STAG1: variants seen among roughly 807,000 people sequenced by gnomAD.
STAG1 encodes cohesin subunit SA-1.
Under a neutral mutation model 170.9 loss-of-function variants are expected in STAG1, and 26 were observed. That is an observed-to-expected ratio of 0.15 (90% confidence interval 0.11 to 0.21). STAG1 has a LOEUF of 0.21. Ranked by LOEUF, STAG1 falls within the 10% of genes least tolerant of loss-of-function variation. STAG1 has a pLI of 1.00. For missense variants in STAG1, 964 were observed against 1,509.5 expected (o/e 0.64, Z 5.99); for synonymous variants, 514 against 497.7 (o/e 1.03, Z -0.44).
At chr3:136,383,877 C>T (rs931556280) in intron 22 of STAG1, among the ~76,000 whole-genome samples, 3 of 150,618 alleles carry the variant, frequency 2.0e-5, no homozygotes, top group African/African-American at 7.3e-5. Flanking sequence ...ATGGCATGAA[C>T]CTAGGAGGCA....
chr3:136,663,670 T>C (rs895834814), intron 1 of STAG1, among the ~76,000 whole-genome samples: 11 of 152,110 alleles, frequency 7.2e-5, no homozygotes, highest in Non-Finnish European at 1.3e-4. Flanking sequence ...AAGTAAACTA[T>C]AAGGTTTCCA....
At position 136,708,967 on chromosome 3, in the gene STAG1, CTT is replaced by C. The variant is rs61595071; in HGVS notation, c.-84+43226_-84+43227del. ...CACAGGCATGTACCACTGCAGCTGG[CTT>C]TTTTTTTTTTTTTTTTTTTTTTTTA... On this transcript the variant is annotated intron_variant, in intron 1 of 33. Transcript: ENST00000383202. 6.3e-3 allele frequency among the ~76,000 whole-genome samples: 539 copies of C among 86,040 alleles called. 5 individuals are homozygous for C. The highest frequency in any genetic ancestry group is 0.025 in the African/African-American group (504 of 20,236). 56.4% of individuals were successfully genotyped at this position (86,040 alleles called of 152,430 possible).
At chr3:136,524,470 G>C (rs1934881677) in intron 6 of STAG1, among the ~76,000 whole-genome samples, 2 of 152,150 alleles carry the variant, frequency 1.3e-5, no homozygotes, top group African/African-American at 4.8e-5. Flanking sequence ...TGCTGAAGTT[G>C]CTTATCAGCT....
intron 6 of STAG1, among the ~76,000 whole-genome samples, chr3:136,534,717 A>C (rs532094024): frequency 8.5e-5 from 13 of 152,350 alleles, no homozygotes; most frequent in African/African-American, 2.6e-4. Flanking sequence ...CCCCAGTTGG[A>C]ATGGCTATTA....
chr3:136,556,739 C>T (rs552412510), intron 5 of STAG1, among the ~76,000 whole-genome samples: 22 of 151,962 alleles, frequency 1.4e-4, no homozygotes, highest in South Asian at 1.3e-3. Flanking sequence ...CACACCACCA[C>T]GCCCCACTAA....
intron 1 of STAG1, among the ~76,000 whole-genome samples, chr3:136,632,583 A>G (rs377532054): frequency 6.6e-6 from 1 of 152,162 alleles, no homozygotes; most frequent in African/African-American, 2.4e-5. Flanking sequence ...CTGGGGTAAG[A>G]GACAGCATAC....
chr3:136,591,286 G>A (rs1938160804), intron 4 of STAG1, among the ~76,000 whole-genome samples: 1 of 149,398 alleles, frequency 6.7e-6, no homozygotes, highest in Admixed American at 6.7e-5. Flanking sequence ...AGGGAAGGCG[G>A]GAAGGTGGGA....
chr3:136,725,411 T>G (rs905609003), intron 1 of STAG1, among the ~76,000 whole-genome samples: 2 of 152,228 alleles, frequency 1.3e-5, no homozygotes, highest in Non-Finnish European at 2.9e-5. Context: ...ATGTTGTGTT[T>G]AACTGCTTTC....
chr3:136,504,169 A>G (rs889821780), intron 7 of STAG1, among the ~76,000 whole-genome samples: 2 of 152,188 alleles, frequency 1.3e-5, no homozygotes, highest in African/African-American at 4.8e-5. Flanking sequence ...CATTTTGATC[A>G]GTTCTATGTT....
At chr3:136,509,966 A>AT (rs748033298) in intron 7 of STAG1, among the ~76,000 whole-genome samples, 3 of 152,088 alleles carry the variant, frequency 2.0e-5, no homozygotes, top group African/African-American at 4.8e-5. Flanking sequence ...TACAATGCTT[A>AT]TTTTTTTTAA....
intron 1 of STAG1, among the ~76,000 whole-genome samples, chr3:136,694,894 G>C (rs1263075730): frequency 6.6e-6 from 1 of 152,136 alleles, no homozygotes; most frequent in East Asian, 1.9e-4. Context: ...GTTTTGAAAA[G>C]TGAGGAAATA....
At chr3:136,721,664 C>T (rs1267079073) in intron 1 of STAG1, among the ~76,000 whole-genome samples, 1 of 151,910 alleles carries the variant, frequency 6.6e-6, no homozygotes, top group Non-Finnish European at 1.5e-5. Context: ...CTGAGGCGGG[C>T]GGATCACGAG....
intron 1 of STAG1, among the ~76,000 whole-genome samples, chr3:136,651,397 A>C (rs1199437159): frequency 6.7e-6 from 1 of 149,824 alleles, no homozygotes; most frequent in Admixed American, 6.6e-5. Flanking sequence ...AAAAAAAAGA[A>C]TCATGTAAAG....
chr3:136,557,627 C>T (rs1576604671), intron 5 of STAG1, among the ~76,000 whole-genome samples: 1 of 152,242 alleles, frequency 6.6e-6, no homozygotes. Context: ...ACCGTAACCT[C>T]CGCCTCCCAG....
intron 28 of STAG1, among the ~76,000 whole-genome samples, chr3:136,354,024 G>A (rs1202264048): frequency 6.6e-6 from 1 of 152,116 alleles, no homozygotes; most frequent in Admixed American, 6.5e-5. Context: ...ATGGCAATTC[G>A]AATCCACAGG....
At position 136,452,027 on chromosome 3, in the gene STAG1, T is replaced by G. The variant is rs1479198415; in HGVS notation, c.1428+6A>C. On this transcript the variant is annotated splice_donor_region_variant and intron_variant, in intron 14 of 33. Coordinates refer to ENST00000383202, the MANE Select transcript of STAG1 (RefSeq NM_005862.3). ...AAATAAGGAATTATCTTAAAACATT[T>G]TTTACCTCACTTTCAAGAAAGAAAA... is the stretch of plus-strand genomic sequence containing the variant. 2.5e-6 allele frequency: 4 copies of G among 1,577,066 alleles called. No homozygotes were observed. In the African/African-American group the frequency reaches 4.1e-5, roughly 16 times the overall value.
At chr3:136,386,385 T>C (rs2086874347) in intron 22 of STAG1, among the ~76,000 whole-genome samples, 1 of 152,082 alleles carries the variant, frequency 6.6e-6, no homozygotes, top group Admixed American at 6.6e-5. Context: ...CAGCAAGATA[T>C]CAACAATGAA....
intron 4 of STAG1, among the ~76,000 whole-genome samples, chr3:136,572,514 C>T (rs1937299324): frequency 6.6e-6 from 1 of 150,406 alleles, no homozygotes. Context: ...ATCACTTAAG[C>T]CCAGGAGGTG....
At chr3:136,425,708 G>A (rs542814437) in intron 16 of STAG1, among the ~76,000 whole-genome samples, 1 of 149,588 alleles carries the variant, frequency 6.7e-6, no homozygotes, top group Non-Finnish European at 1.5e-5. Context: ...ATGTATGTAT[G>A]TTTATATATA....
Sources: allele counts gnomAD v4.1 joint callset (sites outside exome capture counted in the v4.1 genomes callset), GRCh38; gene constraint gnomAD v4.1.1; transcripts MANE v1.5; gene names NCBI Gene and HGNC (gene_info 2026-07-23, HGNC 2026-07-21).